The following FAT3 variants were observed in gnomAD, a reference collection of about 807,000 sequenced individuals.
The protein encoded by FAT3 is protocadherin Fat 3.
A neutral mutation model predicts 310.2 loss-of-function variants in FAT3; 95 were observed. That is an observed-to-expected ratio of 0.31 (90% CI 0.26 to 0.36). The LOEUF is 0.36. Ranked by LOEUF, FAT3 falls within the 10% of genes least tolerant of loss-of-function variation. FAT3 has a pLI of 1.00. For missense variants in FAT3, 5,408 were observed against 5,715.6 expected, an observed-to-expected ratio of 0.95 and a Z score of 1.74; for synonymous variants, 2,314 against 2,192.9, an observed-to-expected ratio of 1.06 and a Z score of -1.54.
At chr11:92,680,846 G>T (rs913312058) in intron 3 of FAT3, among the ~76,000 whole-genome samples, 3 of 152,184 alleles carry the variant, frequency 2.0e-5, no homozygotes, top group Admixed American at 2.0e-4. Flanking sequence ...CTGGGCAGCA[G>T]GGAGGCTTGG....
At chr11:92,749,295 CACACACACACAGAT>C (rs1214905543) in intron 4 of FAT3, among the ~76,000 whole-genome samples, 1 of 151,794 alleles carries the variant, frequency 6.6e-6, no homozygotes, top group Non-Finnish European at 1.5e-5. Context: ...CAAATAGGCA[CACACACACACAGAT>C]ACACACACAC....
chr11:92,356,088 T>C (rs1450169528), intron 2 of FAT3, among the ~76,000 whole-genome samples: 1 of 152,230 alleles, frequency 6.6e-6, no homozygotes, highest in Non-Finnish European at 1.5e-5. Flanking sequence ...TCCAGTATTT[T>C]CATCGCTTCT....
At chr11:92,295,896 A>G (rs1946835042) in intron 1 of FAT3, among the ~76,000 whole-genome samples, 1 of 152,084 alleles carries the variant, frequency 6.6e-6, no homozygotes. Context: ...TGGGACCCAG[A>G]CATCAGATTT....
chr11:92,524,941 C>A lies in FAT3; in HGVS notation c.3600C>A (p.Ile1200=). The A allele has an allele frequency of 6.2e-7, 1 of 1,613,028 alleles. No individual in the cohort carries two copies. Among genetic ancestry groups the A allele is most frequent in the South Asian group, 1.1e-5 (1 of 90,946 alleles). The change falls in exon 3 of 28, where the codon ATC becomes ATA. Residue 1200 remains isoleucine (I), a synonymous_variant. Transcript: ENST00000525166. ...GNPQNFFAIN[I]KTGLITTTSR... ...CTCAGAATTTTTTTGCCATCAATAT[C>A]AAAACAGGTAAGGGAATGCTTATAT...
chr11:92,465,740 C>A (rs1442942989), intron 2 of FAT3, among the ~76,000 whole-genome samples: 1 of 152,100 alleles, frequency 6.6e-6, no homozygotes, highest in Non-Finnish European at 1.5e-5. Context: ...AGAGGGATAG[C>A]ATTCGGAGAA....
chr11:92,785,168 G>A (rs542894408), intron 7 of FAT3, among the ~76,000 whole-genome samples: 1 of 152,140 alleles, frequency 6.6e-6, no homozygotes, highest in African/African-American at 2.4e-5. Flanking sequence ...CTCAAAAAAG[G>A]CATATTTGTA....
At chr11:92,247,985 A>C (rs931448885) in intron 1 of FAT3, among the ~76,000 whole-genome samples, 1 of 152,126 alleles carries the variant, frequency 6.6e-6, no homozygotes. Context: ...GTCTCAAAAA[A>C]AGCAAGTTCA....
chr11:92,699,316 T>C (rs1944028696), intron 4 of FAT3, among the ~76,000 whole-genome samples: 1 of 152,146 alleles, frequency 6.6e-6, no homozygotes, highest in Non-Finnish European at 1.5e-5. Flanking sequence ...TTTATAATAA[T>C]GTATTGCATA....
At chr11:92,290,781 T>G (rs931754920) in intron 1 of FAT3, among the ~76,000 whole-genome samples, 1 of 151,220 alleles carries the variant, frequency 6.6e-6, no homozygotes, top group Non-Finnish European at 1.5e-5. Context: ...AAATAATAAA[T>G]GAATAAAAAT....
At chr11:92,592,945 A>G (rs140275566) in intron 3 of FAT3, among the ~76,000 whole-genome samples, 73 of 152,182 alleles carry the variant, frequency 4.8e-4, no homozygotes, top group African/African-American at 1.7e-3. Flanking sequence ...CTGAAACCCT[A>G]TACTCGTTAA....
intron 3 of FAT3, among the ~76,000 whole-genome samples, chr11:92,601,750 C>T (rs548123803): frequency 1.1e-4 from 16 of 152,250 alleles, no homozygotes. Flanking sequence ...AGCTTTGTAG[C>T]TCAGAGGTCT....
intron 4 of FAT3, among the ~76,000 whole-genome samples, chr11:92,732,335 C>G (rs1347089933): frequency 6.6e-6 from 1 of 152,066 alleles, no homozygotes; most frequent in Non-Finnish European, 1.5e-5. Flanking sequence ...ATCAATGCTC[C>G]TGGAAGTGGG....
At chr11:92,704,320 C>G (rs1413770381) in intron 4 of FAT3, among the ~76,000 whole-genome samples, 1 of 152,182 alleles carries the variant, frequency 6.6e-6, no homozygotes, top group Non-Finnish European at 1.5e-5. Context: ...CCCTGAGCTC[C>G]AAGACCAAGC....
rs745879192 is a variant in FAT3 at position 92,354,772 on chromosome 11, A to G, written c.2660A>G (p.Tyr887Cys). The G allele has an allele frequency of 6.2e-7, 1 of 1,613,962 alleles. No individual in the cohort carries two copies. Among genetic ancestry groups the G allele is most frequent in the Non-Finnish European group, 8.5e-7 (1 of 1,179,884 alleles). Reference protein sequence around the residue: ...FAINSSTGIVYVADQLDRESK... With the variant: ...FAINSSTGIVCVADQLDRESK... ...ATCAATAGCTCAACTGGAATCGTTT[A>G]TGTAGCCGACCAGTTGGACCGGGAA... Residue 887 changes from tyrosine (Y) to cysteine (C), a missense_variant, in exon 2 of 28, where the codon TAT (tyrosine) becomes TGT (cysteine). By Grantham distance (194) the Tyr-to-Cys change is radical (BLOSUM62 -2). This residue lies in a region of FAT3 where 4,588 missense variants were observed against 4,809.8 expected (regional missense o/e 0.95). Transcript: ENST00000525166.
At chr11:92,810,461 G>A (rs1947638284) in intron 13 of FAT3, among the ~76,000 whole-genome samples, 1 of 152,140 alleles carries the variant, frequency 6.6e-6, no homozygotes, top group Admixed American at 6.5e-5. Flanking sequence ...AGGAGAATTT[G>A]ATTTGTTTCC....
chr11:92,433,093 C>T (rs1039184159), intron 2 of FAT3, among the ~76,000 whole-genome samples: 1 of 152,138 alleles, frequency 6.6e-6, no homozygotes, highest in Non-Finnish European at 1.5e-5. Context: ...CTCCATCAAG[C>T]TCAAGTGTCC....
At chr11:92,823,450 T>C (rs1436266955) in intron 13 of FAT3, among the ~76,000 whole-genome samples, 4 of 152,140 alleles carry the variant, frequency 2.6e-5, no homozygotes, top group Non-Finnish European at 5.9e-5. Context: ...GTTTTATAGG[T>C]GTGCAGTCAA....
intron 3 of FAT3, among the ~76,000 whole-genome samples, chr11:92,543,960 T>C (rs1950927721): frequency 6.6e-6 from 1 of 152,192 alleles, no homozygotes; most frequent in African/African-American, 2.4e-5. Flanking sequence ...CTTTTATTGA[T>C]CACTACTGAA....
chr11:92,652,470 C>G (rs1474332575), intron 3 of FAT3, among the ~76,000 whole-genome samples: 1 of 150,600 alleles, frequency 6.6e-6, no homozygotes, highest in African/African-American at 2.5e-5. Context: ...AAAAATCTGG[C>G]CCACATTTTC....
Sources: gnomAD v4.1 joint callset for allele counts (sites outside exome capture counted in the v4.1 genomes callset) on GRCh38, gnomAD v4.1.1 for gene constraint, gnomAD v4.1.1 regional missense constraint, MANE v1.5 for transcripts, NCBI Gene and HGNC (gene_info 2026-07-23, HGNC 2026-07-21) for gene names.